Variants in UIMC1 observed in about 807,000 individuals in gnomAD.
UIMC1 encodes the protein BRCA1-A complex subunit RAP80.
UIMC1 carries 42 observed loss-of-function variants against 84.9 expected under a neutral mutation model. The ratio of observed to expected loss-of-function variants is 0.49; its 90% confidence interval spans 0.39 to 0.64. The LOEUF is 0.64. Ranked by LOEUF, UIMC1 falls within the 30% of genes least tolerant of loss-of-function variation. The pLI, the probability that UIMC1 is intolerant of heterozygous loss-of-function variation, is 0.00. For missense variants in UIMC1, 825 were observed against 847.6 expected (o/e 0.97, Z 0.33); for synonymous variants, 281 against 293.0 (o/e 0.96, Z 0.42).
At position 176,958,150 on chromosome 5, in the gene UIMC1, G is replaced by C; in HGVS notation, c.1205C>G (p.Ser402Cys). 4 of 1,613,482 alleles carry C rather than the reference G, an allele frequency of 2.5e-6. No homozygotes were observed. In the South Asian group the frequency reaches 3.3e-5, roughly 13 times the overall value. Reference sequence around the variant, plus strand: ...AGAAGTTTCTTCAACAATCCCTTGGGAAGACTGCAAAGAAATACGTAGTAT... The same window carrying C: ...AGAAGTTTCTTCAACAATCCCTTGGCAAGACTGCAAAGAAATACGTAGTAT... Reference protein sequence around the residue: ...EEPTTSHGQSSQGIVEETSEE... With the variant: ...EEPTTSHGQSCQGIVEETSEE... Residue 402 changes from serine (S) to cysteine (C), a missense_variant, in exon 7 of 15, where the codon TCC becomes TGC. Transcript: ENST00000511320.
intron 8 of UIMC1, among the ~76,000 whole-genome samples, chr5:176,953,377 C>A (rs1766143115): frequency 6.6e-6 from 1 of 152,070 alleles, no homozygotes; most frequent in Non-Finnish European, 1.5e-5. Flanking sequence ...CAATGTCAGG[C>A]AAATAGGGCA....
chr5:176,974,450 T>C (rs1002213122), intron 3 of UIMC1, among the ~76,000 whole-genome samples: 19 of 151,760 alleles, frequency 1.3e-4, no homozygotes, highest in African/African-American at 4.1e-4. Context: ...CAGAAGAAAA[T>C]AGGTGGAAAT....
chr5:176,938,785 T>C (rs970682222), intron 10 of UIMC1, among the ~76,000 whole-genome samples: 16 of 152,212 alleles, frequency 1.1e-4, no homozygotes, highest in Non-Finnish European at 1.6e-4. Flanking sequence ...GCAGCTCTCC[T>C]TTCTCCCATT....
chr5:177,019,654 G>A (rs1775745610), intron 1 of UIMC1, among the ~76,000 whole-genome samples: 1 of 150,962 alleles, frequency 6.6e-6, no homozygotes, highest in Non-Finnish European at 1.5e-5. Context: ...ATTGTAGGCT[G>A]GGTGTGGTAG....
chr5:176,916,002 G>T (rs1045854903), intron 10 of UIMC1, among the ~76,000 whole-genome samples: 1 of 152,226 alleles, frequency 6.6e-6, no homozygotes, highest in Non-Finnish European at 1.5e-5. Flanking sequence ...AGATGGTTAG[G>T]ACTATACGGT....
intron 1 of UIMC1, among the ~76,000 whole-genome samples, chr5:177,001,701 G>A (rs544523761): frequency 1.3e-5 from 2 of 151,932 alleles, no homozygotes; most frequent in South Asian, 2.1e-4. Flanking sequence ...CATTTTGGGA[G>A]GCTGAGGGGG....
intron 10 of UIMC1, among the ~76,000 whole-genome samples, chr5:176,919,799 C>G (rs1045248515): frequency 6.6e-6 from 1 of 152,154 alleles, no homozygotes; most frequent in Non-Finnish European, 1.5e-5. Context: ...AATCAATTGC[C>G]CACAAATGTA....
chr5:176,906,164 A>G (rs1206701551), intron 13 of UIMC1, 117 bp from the exon 14 acceptor site: 2 of 928,580 alleles, frequency 2.2e-6, no homozygotes, highest in Non-Finnish European at 3.3e-6. Flanking sequence ...CTATCCAGGT[A>G]GCACAGATCC....
intron 10 of UIMC1, among the ~76,000 whole-genome samples, chr5:176,923,924 C>G (rs1394126862): frequency 2.0e-5 from 3 of 146,980 alleles, no homozygotes; most frequent in Non-Finnish European, 4.5e-5. Context: ...CACACACACA[C>G]ACAGACACAC....
At chr5:176,939,380 T>C (rs1407273149) in intron 10 of UIMC1, among the ~76,000 whole-genome samples, 1 of 151,974 alleles carries the variant, frequency 6.6e-6, no homozygotes, top group Non-Finnish European at 1.5e-5. Flanking sequence ...CACATTGGCA[T>C]TGAAAAGAAG....
intron 1 of UIMC1, among the ~76,000 whole-genome samples, chr5:176,985,603 A>G (rs532936652): frequency 6.6e-6 from 1 of 152,150 alleles, no homozygotes; most frequent in African/African-American, 2.4e-5. Context: ...TAATTTACCT[A>G]CAAGTTTTTT....
intron 10 of UIMC1, among the ~76,000 whole-genome samples, chr5:176,928,664 A>T (rs1192603694): frequency 1.3e-5 from 2 of 152,228 alleles, no homozygotes; most frequent in Admixed American, 1.3e-4. Context: ...GGTATTAAAA[A>T]TTATCGGCTG....
At chr5:177,010,119 G>A (rs80015576), upstream of UIMC1, among the ~76,000 whole-genome samples, 579 of 152,264 alleles carry the variant, frequency 3.8e-3, 3 homozygotes, top group African/African-American at 0.013. Flanking sequence ...GAGAGGCCGA[G>A]GCAGAAGGAT....
intron 10 of UIMC1, among the ~76,000 whole-genome samples, chr5:176,937,447 C>T (rs1407977108): frequency 6.6e-6 from 1 of 152,040 alleles, no homozygotes; most frequent in East Asian, 1.9e-4. Flanking sequence ...GAGCCGAGAT[C>T]GTGCCACTGC....
chr5:176,943,537 T>C lies in UIMC1; in HGVS notation c.1444-49A>G, dbSNP rs370543353. 1.5e-5 allele frequency: 24 copies of C among 1,591,462 alleles called. No homozygotes were observed. In the African/African-American group the frequency reaches 2.8e-4, roughly 19 times the overall value. On this transcript the variant is annotated intron_variant, in intron 9 of 14. Coordinates refer to ENST00000511320, the MANE Select transcript of UIMC1 (RefSeq NM_001199298.2). ...TCATAACAGCTTTAGTTCATATCAT[T>C]CCCTACAACGAACTGCAAGAGACTC... is the stretch of plus-strand genomic sequence containing the variant.
At position 176,943,399 on chromosome 5, in the gene UIMC1, G is replaced by A; in HGVS notation, c.1533C>T (p.Cys511=). 2 of 1,614,160 alleles carry A rather than the reference G, an allele frequency of 1.2e-6. No individual in the cohort carries two copies. The highest frequency in any genetic ancestry group is 1.7e-6 in the Non-Finnish European group (2 of 1,180,028). The change falls in exon 10 of 15, where the codon TGC becomes TGT. Residue 511 remains cysteine, a synonymous_variant. Transcript: ENST00000511320. ...NQVSCPLCDQ[C]FPPTKIERHA... ...GTCGTTCAATCTTTGTGGGTGGAAA[G>A]CATTGGTCACATAGCGGGCAGGATA...
At chr5:177,021,227 G>A (rs143664724) in intron 1 of UIMC1, among the ~76,000 whole-genome samples, 1,598 of 152,240 alleles carry the variant, frequency 0.01, 31 homozygotes, top group African/African-American at 0.037. Flanking sequence ...GCAGTGAGCC[G>A]AGATCGCGTC....
At chr5:176,958,187 A>C in intron 6 of UIMC1, 33 bp from the exon 7 acceptor site, 1 of 1,576,516 alleles carries the variant, frequency 6.3e-7, no homozygotes. Context: ...TTAAATATAC[A>C]GGCACAGGTG....
At chr5:176,947,068 C>G (rs1765218176) in intron 9 of UIMC1, among the ~76,000 whole-genome samples, 1 of 152,174 alleles carries the variant, frequency 6.6e-6, no homozygotes, top group Admixed American at 6.5e-5. Context: ...CAGCTCTATA[C>G]AATGCAGAGA....
Sources: gnomAD v4.1 joint callset for allele counts (sites outside exome capture counted in the v4.1 genomes callset) on GRCh38, gnomAD v4.1.1 for gene constraint, MANE v1.5 for transcripts, NCBI Gene and HGNC (gene_info 2026-07-23, HGNC 2026-07-21) for gene names.